HIF3A: variants seen among roughly 807,000 people sequenced by gnomAD.
The protein encoded by HIF3A is hypoxia-inducible factor 3-alpha.
Under a neutral mutation model 67.2 loss-of-function variants are expected in HIF3A, and 41 were observed. That is an observed-to-expected ratio of 0.61 (90% CI 0.48 to 0.79). The LOEUF is 0.79. Ranked by LOEUF, HIF3A falls within the 30% of genes least tolerant of loss-of-function variation. HIF3A has a pLI of 0.00. For synonymous variants in HIF3A, 356 were observed against 374.8 expected (o/e 0.95, Z 0.58); for missense variants, 855 against 898.0 (o/e 0.95, Z 0.61).
At chr19:46,326,260 A>T (rs546242104) in intron 11 of HIF3A, among the ~76,000 whole-genome samples, 108 of 152,330 alleles carry the variant, frequency 7.1e-4, no homozygotes, top group Non-Finnish European at 1.4e-3. Context: ...GTGTCCTCAC[A>T]ACATGGCAGT....
intron 11 of HIF3A, chr19:46,328,969 C>T (rs996767812): frequency 1.5e-4 from 62 of 400,964 alleles, no homozygotes; most frequent in Middle Eastern, 1.3e-3. Flanking sequence ...GTGATGCTCC[C>T]GACTCAGCCT....
At chr19:46,314,642 C>T (rs1366765303) in intron 8 of HIF3A, among the ~76,000 whole-genome samples, 3 of 146,868 alleles carry the variant, frequency 2.0e-5, no homozygotes, top group African/African-American at 7.4e-5. Flanking sequence ...ACTTCAACTT[C>T]CGCCTCCCGG....
In HIF3A at chr19:46,308,786, C is replaced by T. The variant is rs1191737570; in HGVS notation, c.561+11C>T. The T allele has an allele frequency of 4.5e-6, 7 of 1,563,452 alleles. No individual in the cohort carries two copies. The South Asian group carries it at 8.0e-5, about 18-fold the overall frequency. ...GCGGCCACCTGGAAGGTGCGTGGGG[C>T]CGGGCCAGAGGAGGGCGGGGACGCT... On this transcript the variant is annotated intron_variant, in intron 5 of 14. Coordinates refer to ENST00000377670, the MANE Select transcript of HIF3A (RefSeq NM_152795.4).
chr19:46,313,133 C>T, intron 8 of HIF3A: 1 of 538,176 alleles, frequency 1.9e-6, no homozygotes, highest in Non-Finnish European at 2.4e-6. Context: ...TGCCTGTAAT[C>T]CCAACTACTC....
Position 46,303,976 on chromosome 19 carries a change from C to T in HIF3A, c.105C>T (p.Tyr35=). The T allele has an allele frequency of 6.2e-7, 1 of 1,603,708 alleles. No individual in the cohort carries two copies. Among genetic ancestry groups the T allele is most frequent in the Non-Finnish European group, 8.5e-7 (1 of 1,175,814 alleles). The change falls in exon 2 of 15, where the codon TAC becomes TAT. Residue 35 remains tyrosine (Y), a synonymous_variant. Transcript: ENST00000377670. The part of the protein sequence containing the change: ...SRRSQETEVL[Y]QLAHTLPFAR... ...GCAGCCAGGAGACCGAGGTGCTGTA[C>T]CAGCTGGCTCACACGCTGCCCTTCG...
Position 46,336,548 on chromosome 19 carries a change from C to T in HIF3A, c.1912+1562C>T, listed in dbSNP as rs887865952. 8.7e-5 allele frequency among the ~76,000 whole-genome samples: 13 copies of T among 149,644 alleles called. No individual in the cohort carries two copies. The East Asian group carries it at 1.4e-3, about 16-fold the overall frequency. ...ACACTTGACTTTGTGTGTTTGTGTG[C>T]GTGTGTGTGTGTGTGTTTAGTAGAG... On this transcript the variant is annotated intron_variant, in intron 14 of 14. Coordinates refer to ENST00000377670, the MANE Select transcript of HIF3A (RefSeq NM_152795.4).
chr19:46,320,364 A>G, intron 8 of HIF3A, 79 bp from the exon 9 acceptor site: 1 of 1,085,544 alleles, frequency 9.2e-7, no homozygotes, highest in South Asian at 1.3e-5. Flanking sequence ...CTGTAATAGG[A>G]CATCACCTGA....
chr19:46,329,398 G>C lies in HIF3A; in HGVS notation c.1632G>C (p.Gly544=), dbSNP rs369380972. 49 of 1,608,488 alleles carry C rather than the reference G, an allele frequency of 3.0e-5. No individual in the cohort carries two copies. The East Asian group carries it at 4.0e-4, about 13-fold the overall frequency. ...AGCCCTCCCTGCTACCCCGCTGGGG[G>C]AGTGACCCCCGGCTGAGCTGCTCCA... ...ALEPSLLPRW[G]SDPRLSCSSP... is the part of the protein sequence containing the mutation. Residue 544 remains glycine, a synonymous_variant, in exon 12 of 15, where the codon GGG becomes GGC. Transcript: ENST00000377670.
intron 8 of HIF3A, among the ~76,000 whole-genome samples, chr19:46,318,977 C>G (rs202044322): frequency 6.6e-6 from 1 of 152,086 alleles, no homozygotes; most frequent in Non-Finnish European, 1.5e-5. Flanking sequence ...GTGTAAGTAG[C>G]GGAGCTGGGA....
At chr19:46,314,143 A>C (rs1052728410) in intron 8 of HIF3A, among the ~76,000 whole-genome samples, 1 of 151,570 alleles carries the variant, frequency 6.6e-6, no homozygotes, top group African/African-American at 2.4e-5. Context: ...TTATGAGATC[A>C]CATGTTTTCA....
At chr19:46,328,923 A>C (rs902916532) in intron 11 of HIF3A, among the ~76,000 whole-genome samples, 2 of 151,850 alleles carry the variant, frequency 1.3e-5, no homozygotes, top group Admixed American at 6.6e-5. Flanking sequence ...GGGTCTCACT[A>C]TGTTACCCAG....
intron 1 of HIF3A, chr19:46,298,228 C>T: frequency 2.8e-6 from 1 of 358,900 alleles, no homozygotes; most frequent in South Asian, 2.0e-5. Context: ...TCTCCCCTGT[C>T]CCCTACTCTA....
At position 46,297,220 on chromosome 19, in the gene HIF3A, C is replaced by T. The variant is rs1035068395; in HGVS notation, c.26+118C>T. ...GGTGCGAGCCAAGAACGCCCCGGGG[C>T]GCGCAGTTGGAGGCACATCCCCACC... On this transcript the variant is annotated intron_variant, in intron 1 of 14. Transcript: ENST00000377670. This position sits in a 1 kb window ranked among gnomAD's most constrained non-coding sequence, Gnocchi z 4.5. 35 of 601,850 alleles carry T rather than the reference C, an allele frequency of 5.8e-5. No homozygotes were observed. The highest frequency in any genetic ancestry group is 5.1e-4 in the African/African-American group (27 of 53,120). The allele number at this position is 601,850 out of a possible 1,614,324, so 37.3% of individuals were successfully genotyped here.
At chr19:46,307,460 GC>G (rs1568505091) in intron 3 of HIF3A, among the ~76,000 whole-genome samples, 1 of 151,948 alleles carries the variant, frequency 6.6e-6, no homozygotes, top group Non-Finnish European at 1.5e-5. Context: ...GTAAAAATTA[GC>G]CAAAAGCTGG....
chr19:46,308,588 C>A, intron 4 of HIF3A, 75 bp from the exon 5 acceptor site: 1 of 868,120 alleles, frequency 1.2e-6, no homozygotes, highest in Non-Finnish European at 1.8e-6. Flanking sequence ...GAGGCCTGAG[C>A]AGCCAGGGTG....
At chr19:46,319,595 A>G (rs1030883540) in intron 8 of HIF3A, among the ~76,000 whole-genome samples, 1 of 152,256 alleles carries the variant, frequency 6.6e-6, no homozygotes, top group African/African-American at 2.4e-5. Context: ...ATTCATAAAA[A>G]TTACAGCCCT....
chr19:46,321,222 A>G (rs1970334896), intron 9 of HIF3A, among the ~76,000 whole-genome samples: 1 of 152,174 alleles, frequency 6.6e-6, no homozygotes, highest in African/African-American at 2.4e-5. Context: ...GAATGGCCAA[A>G]TGCTGTTCTG....
intron 13 of HIF3A, among the ~76,000 whole-genome samples, chr19:46,333,190 A>G (rs1971362799): frequency 6.6e-6 from 1 of 152,208 alleles, no homozygotes; most frequent in African/African-American, 2.4e-5. Flanking sequence ...TGTTATACAC[A>G]CTTACACAGA....
chr19:46,301,286 T>C (rs1968309233), intron 1 of HIF3A, among the ~76,000 whole-genome samples: 1 of 152,192 alleles, frequency 6.6e-6, no homozygotes, highest in African/African-American at 2.4e-5. Context: ...GTCTCTTGCC[T>C]GAGGCTGGGG....
Sources: gnomAD v4.1 joint callset for allele counts (sites outside exome capture counted in the v4.1 genomes callset) on GRCh38, gnomAD v4.1.1 for gene constraint, Gnocchi (gnomAD v3.1) non-coding constraint, MANE v1.5 for transcripts, NCBI Gene and HGNC (gene_info 2026-07-23, HGNC 2026-07-21) for gene names.